DENND1C: variants seen among roughly 807,000 people sequenced by gnomAD.
DENND1C encodes the protein DENN domain-containing protein 1C.
A neutral mutation model predicts 87.9 loss-of-function variants in DENND1C; 64 were observed. That is an observed-to-expected ratio of 0.73 (90% CI 0.60 to 0.90). DENND1C has a LOEUF of 0.90. Ranked by LOEUF, DENND1C falls within the 40% of genes least tolerant of loss-of-function variation. The pLI is 0.00. For missense variants in DENND1C, 980 were observed against 1,037.0 expected (o/e 0.95, Z 0.76); for synonymous variants, 384 against 424.4 (o/e 0.90, Z 1.17).
chr19:6,473,025 G>A (rs776542401), intron 14 of DENND1C, 32 bp from the exon 15 acceptor site: 2 of 1,432,320 alleles, frequency 1.4e-6, no homozygotes, highest in Non-Finnish European at 9.3e-7. Context: ...TGAGCTCCCT[G>A]GGGTGCTCCT....
intron 18 of DENND1C, 64 bp downstream of exon 18, chr19:6,470,231 A>AAGTG (rs2092819806): frequency 6.6e-7 from 1 of 1,521,392 alleles, no homozygotes; most frequent in Admixed American, 1.9e-5. Flanking sequence ...TGGGAGGTCA[A>AAGTG]AGTGTCCTCT....
At chr19:6,473,148 T>C (rs546087899) in intron 14 of DENND1C, among the ~76,000 whole-genome samples, 155 bp from the exon 15 acceptor site, 2 of 152,270 alleles carry the variant, frequency 1.3e-5, no homozygotes, top group South Asian at 4.1e-4. Flanking sequence ...AAGCTGTTTT[T>C]TGTTTGTTTG....
chr19:6,480,476 C>T, intron 1 of DENND1C: 1 of 984,116 alleles, frequency 1.0e-6, no homozygotes, highest in South Asian at 4.7e-5. Context: ...ATATATATAT[C>T]CATCTATCTG....
At chr19:6,472,336 T>A (rs1358491419) in intron 15 of DENND1C, among the ~76,000 whole-genome samples, 1 of 152,082 alleles carries the variant, frequency 6.6e-6, no homozygotes, top group Non-Finnish European at 1.5e-5. Context: ...CTCAGGGACC[T>A]AGGAGTAGGT....
At chr19:6,477,492 G>A in intron 6 of DENND1C, 34 bp from the exon 7 acceptor site, 4 of 1,598,084 alleles carry the variant, frequency 2.5e-6, no homozygotes, top group Non-Finnish European at 3.4e-6. Context: ...GGGTGGCTGA[G>A]CCAGATGTGG....
At position 6,477,430 on chromosome 19, in the gene DENND1C, T is replaced by C. The variant is rs1418447111; in HGVS notation, c.395A>G (p.Asn132Ser). ...CCCAGACAGGGACTGCTGAAACAGATTTTGAAGAAGTTCCTCTGCCTCGGT... is the reference window on the plus strand; with the variant it reads ...CCCAGACAGGGACTGCTGAAACAGACTTTGAAGAAGTTCCTCTGCCTCGGT... Reference protein sequence around the residue: ...QVTEAEELLQNLFQQSLSGPQ... With the variant: ...QVTEAEELLQSLFQQSLSGPQ... The change falls in exon 7 of 23, where the codon AAT becomes AGT. Residue 132 changes from asparagine (N) to serine (S), a missense_variant. Physicochemically the swap from Asn to Ser is conservative, Grantham distance 46 (BLOSUM62 1). Transcript: ENST00000381480. The C allele has an allele frequency of 3.7e-6, 6 of 1,613,088 alleles. No individual in the cohort carries two copies. Among genetic ancestry groups the C allele is most frequent in the African/African-American group, 1.3e-5 (1 of 74,726 alleles).
intron 14 of DENND1C, among the ~76,000 whole-genome samples, chr19:6,473,772 C>T (rs575957755): frequency 1.1e-4 from 11 of 99,644 alleles, no homozygotes; most frequent in African/African-American, 2.8e-4. Flanking sequence ...GCATTTATCT[C>T]GAGTAAGGTG....
In DENND1C at chr19:6,468,369, C is replaced by T. The variant is rs199689586; in HGVS notation, c.1656G>A (p.Gly552=). 11 of 1,613,940 alleles carry T rather than the reference C, an allele frequency of 6.8e-6. No individual in the cohort carries two copies. The Admixed American group carries it at 1.7e-4, about 24-fold the overall frequency. The change falls in exon 22 of 23, where the codon GGG becomes GGA. Residue 552 remains glycine (G), a synonymous_variant. Coordinates refer to ENST00000381480, the MANE Select transcript of DENND1C (RefSeq NM_024898.4). ...AEEALDSSFL[G]SGEELDLLSE... Reference sequence around the variant, plus strand: ...TCAACAAATCCAGTTCTTCTCCAGACCCCAAGAAGCTGCTGTCCAGAGCTT... The same window carrying T: ...TCAACAAATCCAGTTCTTCTCCAGATCCCAAGAAGCTGCTGTCCAGAGCTT...
rs117140126 is a variant in DENND1C, at chr19:6,473,005, G to C, written c.1054-12C>G. On this transcript the variant is annotated splice_polypyrimidine_tract_variant and intron_variant, in intron 14 of 22. Coordinates refer to ENST00000381480, the MANE Select transcript of DENND1C (RefSeq NM_024898.4). Reference sequence around the variant, plus strand: ...GTCACTGGCTGGCCCTGGAAGAAGCGTTGGAGTTCTGAGCTCCCTGGGGTG... The same window carrying C: ...GTCACTGGCTGGCCCTGGAAGAAGCCTTGGAGTTCTGAGCTCCCTGGGGTG... 7 of 1,511,000 alleles carry C rather than the reference G, an allele frequency of 4.6e-6. No homozygotes were observed. In the African/African-American group the frequency reaches 7.0e-5, roughly 15 times the overall value. The allele number at this position is 1,511,000 out of a possible 1,614,324, so 93.6% of individuals were successfully genotyped here.
chr19:6,481,609 C>T (rs1801766308), intron 1 of DENND1C, 70 bp downstream of exon 1: 1 of 1,604,580 alleles, frequency 6.2e-7, no homozygotes, highest in Non-Finnish European at 8.5e-7. Context: ...AGCCCCAGCT[C>T]CCCTCTGCCC....
At chr19:6,477,978 G>A (rs1017345192) in intron 6 of DENND1C, among the ~76,000 whole-genome samples, 1 of 151,590 alleles carries the variant, frequency 6.6e-6, no homozygotes, top group Admixed American at 6.6e-5. Flanking sequence ...GGGAGACTGA[G>A]GCGGAAGAAT....
At chr19:6,476,513 G>C in intron 10 of DENND1C, 1 of 231,970 alleles carries the variant, frequency 4.3e-6, no homozygotes, top group Non-Finnish European at 8.4e-6. Flanking sequence ...TCAGATCTCT[G>C]AGTCCCTGAG....
chr19:6,473,064 T>C lies in DENND1C; in HGVS notation c.1054-71A>G, dbSNP rs1000244407. Reference sequence around the variant, plus strand: ...CCTCCCTCATTCTACTATATATTTATGTAGCAAACATTGATTAGGCACTTG... The same window carrying C: ...CCTCCCTCATTCTACTATATATTTACGTAGCAAACATTGATTAGGCACTTG... On this transcript the variant is annotated intron_variant, in intron 14 of 22. Transcript: ENST00000381480. 3.5e-6 allele frequency: 4 copies of C among 1,157,304 alleles called. No homozygotes were observed. In the Admixed American group the frequency reaches 1.0e-4, roughly 30 times the overall value. 71.7% of individuals were successfully genotyped at this position (1,157,304 alleles called of 1,614,324 possible).
chr19:6,471,137 G>T (rs1025883626), intron 17 of DENND1C, 128 bp downstream of exon 17: 1 of 1,309,038 alleles, frequency 7.6e-7, no homozygotes, highest in African/African-American at 1.5e-5. Context: ...GTAGAGATGG[G>T]GTTTCGTCAC....
In DENND1C at chr19:6,468,628, G is replaced by T; in HGVS notation, c.1533C>A (p.Pro511=). The change falls in exon 21 of 23, where the codon CCC becomes CCA. Residue 511 remains proline, a synonymous_variant. Coordinates refer to ENST00000381480, the MANE Select transcript of DENND1C (RefSeq NM_024898.4). ...CCTCTTCCAGCTGGCGTCTCCTGCTGGGGCGAAGGGGCCGGTTCTGCAAAG... is the reference window on the plus strand; with the variant it reads ...CCTCTTCCAGCTGGCGTCTCCTGCTTGGGCGAAGGGGCCGGTTCTGCAAAG... ...QHFGKNRPLR[P]SRRRQLEEGT... 6.7e-7 allele frequency: 1 copy of T among 1,493,540 alleles called. No homozygotes were observed. The highest frequency in any genetic ancestry group is 1.4e-5 in the South Asian group (1 of 70,840). The allele number at this position is 1,493,540 out of a possible 1,614,324, so 92.5% of individuals were successfully genotyped here.
chr19:6,469,724 C>T (rs902434967), intron 18 of DENND1C, 84 bp from the exon 19 acceptor site: 121 of 1,304,362 alleles, frequency 9.3e-5, no homozygotes, highest in Non-Finnish European at 1.2e-4. Flanking sequence ...CCTAAGATAG[C>T]TTTTTTTTTT....
chr19:6,476,704 T>G, intron 10 of DENND1C, 153 bp downstream of exon 10: 3 of 744,688 alleles, frequency 4.0e-6, no homozygotes, highest in Non-Finnish European at 4.2e-6. Flanking sequence ...GGGGCCAGAG[T>G]TCAACTCTCC....
rs1407317332 is a variant in DENND1C, at chr19:6,480,045, G to A, written c.24C>T (p.Gly8=). 6 of 1,607,628 alleles carry A rather than the reference G, an allele frequency of 3.7e-6. No individual in the cohort carries two copies. Among genetic ancestry groups the A allele is most frequent in the Non-Finnish European group, 5.1e-6 (6 of 1,177,716 alleles). MESRAEG[G]SPAVFDWFFE... ...AGAACCAATCAAACACAGCAGGGGA[G>A]CCCCCTCTGTGGGATGCAGAAGGGG... is the stretch of plus-strand genomic sequence containing the variant. The change falls in exon 2 of 23, where the codon GGC becomes GGT. Residue 8 remains glycine, a synonymous_variant. Transcript: ENST00000381480.
At position 6,467,793 on chromosome 19, in the gene DENND1C, G is replaced by A; in HGVS notation, c.2117C>T (p.Ala706Val). The change falls in exon 23 of 23, where the codon GCA becomes GTA. Residue 706 changes from alanine (A) to valine (V), a missense_variant. Coordinates refer to ENST00000381480, the MANE Select transcript of DENND1C (RefSeq NM_024898.4). ...TTCTGGAGGGCTGGGCTCAGTGGGTGCAGTGGAGAGCCAGGGAGTGGGGTT... is the reference window on the plus strand; with the variant it reads ...TTCTGGAGGGCTGGGCTCAGTGGGTACAGTGGAGAGCCAGGGAGTGGGGTT... The part of the protein sequence containing the change: ...QENPTPWLST[A>V]PTEPSPPESP... 7 of 1,535,542 alleles carry A rather than the reference G, an allele frequency of 4.6e-6. No homozygotes were observed. Among genetic ancestry groups the A allele is most frequent in the African/African-American group, 1.4e-5 (1 of 72,310 alleles).
Sources: allele counts gnomAD v4.1 joint callset (sites outside exome capture counted in the v4.1 genomes callset), GRCh38; gene constraint gnomAD v4.1.1; transcripts MANE v1.5; gene names NCBI Gene and HGNC (gene_info 2026-07-23, HGNC 2026-07-21).